PRH1: variants seen among roughly 807,000 people sequenced by gnomAD.
The protein encoded by PRH1 is salivary acidic proline-rich phosphoprotein 1/2.
A neutral mutation model predicts 7.9 loss-of-function variants in PRH1; 7 were observed. The observed-to-expected ratio is 0.89, with a 90% CI of 0.50 to 1.67. The LOEUF (loss-of-function observed/expected upper bound fraction) is 1.67. PRH1 is among the 40% of genes most tolerant of loss of function. The pLI, the probability that PRH1 is intolerant of heterozygous loss-of-function variation, is 0.00. For synonymous variants in PRH1, 45 were observed against 80.8 expected (o/e 0.56, Z 2.38); for missense variants, 109 against 223.6 (o/e 0.49, Z 3.27).
chr12:11,019,941 C>A (rs1292557745), intron 1 of PRH1, among the ~76,000 whole-genome samples: 1 of 152,292 alleles, frequency 6.6e-6, no homozygotes, highest in Non-Finnish European at 1.5e-5. Flanking sequence ...ATACCAAAAT[C>A]TTTAATATGC....
At chr12:11,134,010 C>T in intron 1 of PRH1, 2 of 1,614,092 alleles carry the variant, frequency 1.2e-6, no homozygotes, top group Non-Finnish European at 1.7e-6. Flanking sequence ...ATTCTTACTT[C>T]TACACTATAA....
chr12:11,118,041 C>A (rs1413068685), downstream of PRH1, among the ~76,000 whole-genome samples: 1 of 152,110 alleles, frequency 6.6e-6, no homozygotes, highest in African/African-American at 2.4e-5. Context: ...CAAGTACAGG[C>A]AACCAAGTAA....
chr12:10,884,310 A>T (rs1949456802), upstream of PRH1: 3 of 1,556,514 alleles, frequency 1.9e-6, no homozygotes, highest in Non-Finnish European at 2.7e-6. Context: ...GGTGCATTTG[A>T]GCTCCCTACC....
rs935170951 is a variant in PRH1 at position 10,972,377 on chromosome 12, G to C, written c.-59+1278C>G. 3.9e-5 allele frequency among the ~76,000 whole-genome samples: 6 copies of C among 152,308 alleles called. No homozygotes were observed. The South Asian group carries it at 1.2e-3, about 32-fold the overall frequency. On this transcript the variant is annotated intron_variant, in intron 2 of 3. Transcript: ENST00000539853. ...TTTTAAATTCAGTTGTGTGACCAAT[G>C]TCAAGCAGTAAAGCACCAGCACATG...
At chr12:11,100,625 A>C (rs1331328511) in intron 1 of PRH1, among the ~76,000 whole-genome samples, 1 of 152,218 alleles carries the variant, frequency 6.6e-6, no homozygotes, top group East Asian at 1.9e-4. Context: ...TAAAACATCA[A>C]ATAGTAAAAC....
intron 1 of PRH1, among the ~76,000 whole-genome samples, chr12:11,142,263 T>A (rs75855893): frequency 2.0e-5 from 3 of 152,208 alleles, no homozygotes; most frequent in Non-Finnish European, 4.4e-5. Flanking sequence ...AGAGTCTTTA[T>A]AGGTGAAAAG....
chr12:10,973,061 T>C (rs567073140), intron 2 of PRH1, among the ~76,000 whole-genome samples: 2 of 152,188 alleles, frequency 1.3e-5, no homozygotes, highest in East Asian at 3.9e-4. Flanking sequence ...ACTCATGCTT[T>C]TTAGCCCATT....
chr12:11,005,632 C>T (rs1940790646), intron 1 of PRH1, among the ~76,000 whole-genome samples: 1 of 152,074 alleles, frequency 6.6e-6, no homozygotes, highest in African/African-American at 2.4e-5. Context: ...TTAACACAAA[C>T]ACACACATGC....
chr12:11,133,477 T>C, intron 1 of PRH1: 1 of 1,614,142 alleles, frequency 6.2e-7, no homozygotes, highest in Non-Finnish European at 8.5e-7. Flanking sequence ...CAGGTTGCTT[T>C]TCCAGCCTCC....
intron 1 of PRH1, among the ~76,000 whole-genome samples, chr12:11,110,405 G>GGAAAAATGAAGGAAAA (rs1381689245): frequency 1.3e-5 from 2 of 152,104 alleles, no homozygotes; most frequent in Admixed American, 1.3e-4. Flanking sequence ...AAAATGTTAA[G>GGAAAAATGAAGGAAAA]AACAGCCAGA....
intron 1 of PRH1, among the ~76,000 whole-genome samples, chr12:11,066,283 G>C (rs1314853048): frequency 6.6e-6 from 1 of 152,142 alleles, no homozygotes; most frequent in African/African-American, 2.4e-5. Flanking sequence ...TCTTAACTCT[G>C]TTTGACTATT....
intron 1 of PRH1, among the ~76,000 whole-genome samples, chr12:11,145,040 A>G (rs1946822202): frequency 6.6e-6 from 1 of 152,128 alleles, no homozygotes; most frequent in Non-Finnish European, 1.5e-5. Context: ...TTTGTAGCTA[A>G]AATTCACAAT....
chr12:11,038,051 A>G (rs1186364226), intron 1 of PRH1, among the ~76,000 whole-genome samples: 1 of 152,272 alleles, frequency 6.6e-6, no homozygotes, highest in African/African-American at 2.4e-5. Context: ...CAAAATAAAA[A>G]AAGAAAAGTT....
chr12:10,906,354 A>G (rs1949803088), intron 2 of PRH1, among the ~76,000 whole-genome samples: 1 of 152,244 alleles, frequency 6.6e-6, no homozygotes, highest in Non-Finnish European at 1.5e-5. Flanking sequence ...TTACAGGAAA[A>G]TAGTTGATTA....
chr12:10,920,698 T>G (rs1450696541), intron 2 of PRH1, among the ~76,000 whole-genome samples: 1 of 152,136 alleles, frequency 6.6e-6, no homozygotes, highest in African/African-American at 2.4e-5. Context: ...TATTAGTATA[T>G]AATTTCTTTA....
chr12:10,920,958 C>T (rs1268604062), intron 2 of PRH1, among the ~76,000 whole-genome samples: 1 of 151,992 alleles, frequency 6.6e-6, no homozygotes, highest in Admixed American at 6.5e-5. Context: ...ATTTTTGCAA[C>T]ATCTGTTGAG....
intron 1 of PRH1, among the ~76,000 whole-genome samples, chr12:11,107,699 A>C (rs538879611): frequency 3.8e-4 from 58 of 152,370 alleles, no homozygotes; most frequent in African/African-American, 1.4e-3. Flanking sequence ...GGGTAGACAA[A>C]AAGAACAATG....
intron 1 of PRH1, among the ~76,000 whole-genome samples, chr12:11,126,416 T>A (rs1487826275): frequency 6.6e-6 from 1 of 152,232 alleles, no homozygotes. Context: ...TTGTTCATTT[T>A]CCTTTTTATT....
chr12:11,165,393 T>C (rs538520346), intron 1 of PRH1, among the ~76,000 whole-genome samples: 3 of 152,192 alleles, frequency 2.0e-5, no homozygotes, highest in Non-Finnish European at 4.4e-5. Flanking sequence ...CTCTGCCATC[T>C]CCAGTCTGTT....
Sources: allele counts gnomAD v4.1 joint callset (sites outside exome capture counted in the v4.1 genomes callset), GRCh38; gene constraint gnomAD v4.1.1; transcripts MANE v1.5; gene names NCBI Gene and HGNC (gene_info 2026-07-23, HGNC 2026-07-21).